Variants in IGF1R observed in about 807,000 individuals in gnomAD.
The protein encoded by IGF1R is insulin-like growth factor 1 receptor.
In IGF1R, 44 loss-of-function variants were observed where a neutral mutation model predicts 144.6. That is an observed-to-expected ratio of 0.30 (90% CI 0.24 to 0.39). The LOEUF (loss-of-function observed/expected upper bound fraction) is 0.39, where lower values mean the gene tolerates loss of function less well. Ranked by LOEUF, IGF1R falls within the 10% of genes least tolerant of loss-of-function variation. IGF1R has a pLI of 1.00. For synonymous variants in IGF1R, 795 were observed against 722.8 expected, an observed-to-expected ratio of 1.10 and a Z score of -1.60; for missense variants, 1,355 against 1,833.7, an observed-to-expected ratio of 0.74 and a Z score of 4.77.
chr15:98,673,634 T>G lies in IGF1R; in HGVS notation c.94+23959T>G, dbSNP rs373453711. Among the ~76,000 whole-genome samples the G allele has an allele frequency of 1.3e-5, 2 of 152,346 alleles. 1 individual carries two copies. Among genetic ancestry groups the G allele is most frequent in the African/African-American group, 4.8e-5 (2 of 41,596 alleles). On this transcript the variant is annotated intron_variant, in intron 1 of 20. Transcript: ENST00000650285. Reference sequence around the variant, plus strand: ...ACTGGATCCCCCCATGCTGGGTACATGTTTTGCAGTCACAGACACTGCTGG... The same window carrying G: ...ACTGGATCCCCCCATGCTGGGTACAGGTTTTGCAGTCACAGACACTGCTGG...
rs1420285767 is a variant in IGF1R at position 98,649,253 on chromosome 15, T to TC, written c.-323dup. ...GCTTTGCCCCCTTTCTTTGCAGTTT[T>TC]CCCCCCTTCCTGCCTCTCCGGGTTT... On this transcript the variant is annotated 5_prime_UTR_variant, in exon 1 of 21. Transcript: ENST00000650285. 9 of 215,184 alleles carry TC rather than the reference T, an allele frequency of 4.2e-5. No homozygotes were observed. The highest frequency in any genetic ancestry group is 8.4e-5 in the Non-Finnish European group (9 of 107,024). The allele number at this position is 215,184 out of a possible 1,614,324, so 13.3% of individuals were successfully genotyped here. A position where few individuals can be genotyped will look rare whatever the true frequency, so the allele number is the denominator to read the frequency against.
intron 2 of IGF1R, among the ~76,000 whole-genome samples, chr15:98,832,352 G>A (rs1007533763): frequency 2.0e-5 from 3 of 152,086 alleles, no homozygotes; most frequent in Admixed American, 1.3e-4. Context: ...TCCCCACAGG[G>A]TCCCCAGCAT....
chr15:98,878,110 C>A (rs2141621929), intron 2 of IGF1R, among the ~76,000 whole-genome samples: 1 of 152,328 alleles, frequency 6.6e-6, no homozygotes, highest in Non-Finnish European at 1.5e-5. Context: ...TGGTCAACAC[C>A]AGTAAGCCAT....
At chr15:98,723,224 C>T (rs2054283250) in intron 2 of IGF1R, among the ~76,000 whole-genome samples, 1 of 152,132 alleles carries the variant, frequency 6.6e-6, no homozygotes, top group African/African-American at 2.4e-5. Flanking sequence ...CTGATTGAAG[C>T]TTTTTATAAC....
intron 2 of IGF1R, among the ~76,000 whole-genome samples, chr15:98,770,680 T>G (rs1177552359): frequency 6.6e-6 from 1 of 152,128 alleles, no homozygotes. Flanking sequence ...AGGGATGGTT[T>G]TAGGGTGTGG....
intron 2 of IGF1R, among the ~76,000 whole-genome samples, chr15:98,775,473 G>A (rs373572428): frequency 1.3e-5 from 2 of 152,128 alleles, no homozygotes; most frequent in African/African-American, 4.8e-5. Flanking sequence ...TTCAGGGACC[G>A]TTGCCCTAGA....
At chr15:98,719,681 C>T (rs45558938) in intron 2 of IGF1R, among the ~76,000 whole-genome samples, 4,872 of 152,214 alleles carry the variant, frequency 0.032, 93 homozygotes, top group East Asian at 0.057. Context: ...TGACGGCTGT[C>T]GTGCCTCCTG....
At chr15:98,881,697 A>G (rs140193839) in intron 2 of IGF1R, among the ~76,000 whole-genome samples, 230 of 152,328 alleles carry the variant, frequency 1.5e-3, no homozygotes, top group African/African-American at 5.5e-3. Flanking sequence ...AGAGGCTGCA[A>G]TCAACAGTCA....
At chr15:98,890,641 C>G (rs910468233) in intron 2 of IGF1R, 2 of 154,256 alleles carry the variant, frequency 1.3e-5, no homozygotes, top group Non-Finnish European at 2.9e-5. Flanking sequence ...TAAGAACCCT[C>G]TCTTGGGGTC....
intron 2 of IGF1R, among the ~76,000 whole-genome samples, chr15:98,814,685 T>C (rs182509134): frequency 6.6e-6 from 1 of 152,328 alleles, no homozygotes; most frequent in Admixed American, 6.5e-5. Context: ...GTATATGCTC[T>C]CAAGATGGCT....
intron 5 of IGF1R, chr15:98,900,771 T>G (rs561730947): frequency 2.8e-4 from 42 of 152,250 alleles, no homozygotes; most frequent in African/African-American, 9.1e-4. Context: ...AAGGTGATGA[T>G]TATTGTTTCT....
intron 3 of IGF1R, among the ~76,000 whole-genome samples, chr15:98,893,145 G>A (rs1181862782): frequency 6.6e-6 from 1 of 152,186 alleles, no homozygotes; most frequent in Non-Finnish European, 1.5e-5. Context: ...TAGAAAAGTA[G>A]GTGTTAATTT....
intron 13 of IGF1R, among the ~76,000 whole-genome samples, chr15:98,927,961 T>G (rs935837699): frequency 6.6e-6 from 1 of 152,198 alleles, no homozygotes; most frequent in Non-Finnish European, 1.5e-5. Context: ...GTTGTTGCCC[T>G]CGAAAGGCCT....
Position 98,961,305 on chromosome 15 carries a change from T to TA in IGF1R, c.*3864dup, listed in dbSNP as rs2151745339. ...AGGGTTTTGTTTAAACTGTCCGAGT[T>TA]ACTGATGTCATTTTGTTTTTGTTTT... On this transcript the variant is annotated 3_prime_UTR_variant, in exon 21 of 21. Coordinates refer to ENST00000650285, the MANE Select transcript of IGF1R (RefSeq NM_000875.5). 2 of 233,512 alleles carry TA rather than the reference T, an allele frequency of 8.6e-6. No individual in the cohort carries two copies. Among genetic ancestry groups the TA allele is most frequent in the East Asian group, 1.2e-4 (2 of 16,586 alleles). 14.5% of individuals were successfully genotyped at this position (233,512 alleles called of 1,614,324 possible). A position where few individuals can be genotyped will look rare whatever the true frequency, so the allele number is the denominator to read the frequency against.
At chr15:98,839,809 G>A (rs2011144514) in intron 2 of IGF1R, among the ~76,000 whole-genome samples, 3 of 152,156 alleles carry the variant, frequency 2.0e-5, no homozygotes, top group Admixed American at 6.6e-5. Context: ...CTCCATAGAT[G>A]CCAAGTCATC....
chr15:98,960,953 C>G lies in IGF1R; in HGVS notation c.*3511C>G. 1.3e-5 allele frequency: 3 copies of G among 233,850 alleles called. No individual in the cohort carries two copies. Among genetic ancestry groups the G allele is most frequent in the African/African-American group, 2.2e-5 (1 of 45,470 alleles). 14.5% of individuals were successfully genotyped at this position (233,850 alleles called of 1,614,324 possible). The stretch of plus-strand genomic sequence containing the variant: ...TCCGTCTCCCTGGTCCTGCTGCTCA[C>G]AGGACAGACGGCTCGCTCCCCTCTT... On this transcript the variant is annotated 3_prime_UTR_variant, in exon 21 of 21. Transcript: ENST00000650285.
intron 1 of IGF1R, among the ~76,000 whole-genome samples, chr15:98,689,729 C>G (rs1567077300): frequency 6.6e-6 from 1 of 152,164 alleles, no homozygotes; most frequent in Non-Finnish European, 1.5e-5. Context: ...GAGTTGCCCC[C>G]TTATATAGGT....
chr15:98,915,894 C>T (rs2151680992), intron 8 of IGF1R, 70 bp from the exon 9 acceptor site: 1 of 1,455,594 alleles, frequency 6.9e-7, no homozygotes, highest in African/African-American at 1.4e-5. Flanking sequence ...TGTTGGCTTG[C>T]CAGAGTATCT....
chr15:98,852,816 T>C lies in IGF1R; in HGVS notation c.641-38509T>C, dbSNP rs188247017. 7.1e-4 allele frequency among the ~76,000 whole-genome samples: 108 copies of C among 152,348 alleles called. 1 individual carries two copies. Among genetic ancestry groups the C allele is most frequent in the African/African-American group, 2.2e-3 (93 of 41,586 alleles). On this transcript the variant is annotated intron_variant, in intron 2 of 20. Coordinates refer to ENST00000650285, the MANE Select transcript of IGF1R (RefSeq NM_000875.5). ...TACGGGCTGCTGTTTACAAAAATCCTGCAGGCCTTTGACACCCCGTCCTCC... is the reference window on the plus strand; with the variant it reads ...TACGGGCTGCTGTTTACAAAAATCCCGCAGGCCTTTGACACCCCGTCCTCC...
Sources: gnomAD v4.1 joint callset for allele counts (sites outside exome capture counted in the v4.1 genomes callset) on GRCh38, gnomAD v4.1.1 for gene constraint, MANE v1.5 for transcripts, NCBI Gene and HGNC (gene_info 2026-07-23, HGNC 2026-07-21) for gene names.